CCSER1: variants seen among roughly 807,000 people sequenced by gnomAD.
CCSER1 encodes the protein coiled-coil serine rich protein 1, also known as serine-rich coiled-coil domain-containing protein 1.
Under a neutral mutation model 82.0 loss-of-function variants are expected in CCSER1, and 41 were observed. The ratio of observed to expected loss-of-function variants is 0.50; its 90% CI spans 0.39 to 0.65. The LOEUF (loss-of-function observed/expected upper bound fraction) is 0.65. Among genes scored for constraint, CCSER1 ranks in the 30% least tolerant of loss-of-function variants. CCSER1 has a pLI of 0.00. For synonymous variants in CCSER1, 414 were observed against 383.9 expected, an observed-to-expected ratio of 1.08 and a Z score of -0.92; for missense variants, 1,119 against 1,064.2, an observed-to-expected ratio of 1.05 and a Z score of -0.72.
At chr4:90,692,910 C>T (rs1301942487) in intron 6 of CCSER1, among the ~76,000 whole-genome samples, 5 of 151,836 alleles carry the variant, frequency 3.3e-5, no homozygotes, top group African/African-American at 9.7e-5. Flanking sequence ...TTATCCTTCA[C>T]GTTTTTCTCA....
At chr4:91,368,771 C>A (rs1702380348) in intron 10 of CCSER1, among the ~76,000 whole-genome samples, 1 of 152,096 alleles carries the variant, frequency 6.6e-6, no homozygotes, top group Non-Finnish European at 1.5e-5. Flanking sequence ...CAAAATATTT[C>A]TCTGCATTAC....
chr4:90,794,316 A>C (rs1461959968), intron 7 of CCSER1, among the ~76,000 whole-genome samples: 1 of 152,164 alleles, frequency 6.6e-6, no homozygotes, highest in East Asian at 1.9e-4. Context: ...TAAGTCTTTA[A>C]TCCATCTTGA....
chr4:90,822,079 T>C (rs1759799869), intron 8 of CCSER1, among the ~76,000 whole-genome samples: 1 of 152,160 alleles, frequency 6.6e-6, no homozygotes, highest in South Asian at 2.1e-4. Flanking sequence ...ATTAATAAAT[T>C]AATTCAAAAT....
chr4:90,458,500 G>A (rs141394000), intron 4 of CCSER1, among the ~76,000 whole-genome samples: 2,475 of 152,132 alleles, frequency 0.016, 63 homozygotes, highest in African/African-American at 0.057. Context: ...CTACAGACAT[G>A]TGCCACCATG....
chr4:90,478,032 G>T (rs1765345846), intron 5 of CCSER1, among the ~76,000 whole-genome samples: 1 of 152,108 alleles, frequency 6.6e-6, no homozygotes, highest in Non-Finnish European at 1.5e-5. Flanking sequence ...CTGGAAAAGT[G>T]CTATGTTTTG....
At chr4:90,281,754 A>T (rs923120455) in intron 1 of CCSER1, among the ~76,000 whole-genome samples, 12 of 152,076 alleles carry the variant, frequency 7.9e-5, no homozygotes, top group African/African-American at 2.9e-4. Context: ...CCAGTACTTT[A>T]AAAAGATATC....
intron 1 of CCSER1, among the ~76,000 whole-genome samples, chr4:90,225,833 A>G (rs539008818): frequency 6.6e-6 from 1 of 152,208 alleles, no homozygotes; most frequent in African/African-American, 2.4e-5. Flanking sequence ...GTGGATTAAA[A>G]TTGGCCACAG....
At position 90,898,205 on chromosome 4, in the gene CCSER1, T is replaced by G. The variant is rs1463603913; in HGVS notation, c.2095-25165T>G. 3.3e-5 allele frequency among the ~76,000 whole-genome samples: 5 copies of G among 151,266 alleles called. No homozygotes were observed. The East Asian group carries it at 9.7e-4, about 29-fold the overall frequency. ...TACTTAGGTGAATACACAGAAGAGT[T>G]TTTCCTAGATTTTCTTCTAGGATTC... On this transcript the variant is annotated intron_variant, in intron 8 of 10. Coordinates refer to ENST00000509176, the MANE Select transcript of CCSER1 (RefSeq NM_001145065.2).
rs995303974 is a variant in CCSER1 at position 91,007,689 on chromosome 4, A to C, written c.2173-78261A>C. Among the ~76,000 whole-genome samples the C allele has an allele frequency of 2.9e-4, 44 of 151,784 alleles. 1 individual carries two copies. The highest frequency in any genetic ancestry group is 1.8e-3 in the Admixed American group (28 of 15,250). On this transcript the variant is annotated intron_variant, in intron 9 of 10. Coordinates refer to ENST00000509176, the MANE Select transcript of CCSER1 (RefSeq NM_001145065.2). ...TTTTATCTTCTCAAAAAAAAAAAAA[A>C]AACTCTTTTGTTGATCTTTTGTATT...
chr4:90,870,138 A>G (rs1029411524), intron 8 of CCSER1, among the ~76,000 whole-genome samples: 1 of 151,946 alleles, frequency 6.6e-6, no homozygotes, highest in Non-Finnish European at 1.5e-5. Context: ...TTATCTGCAA[A>G]CAAGGATAAT....
intron 10 of CCSER1, among the ~76,000 whole-genome samples, chr4:91,496,761 AT>A (rs2110083506): frequency 1.3e-5 from 1 of 79,720 alleles, no homozygotes; most frequent in South Asian, 3.7e-4. Context: ...GAATATATAT[AT>A]ATTCAATATA....
At chr4:90,400,351 T>C (rs954269563) in intron 4 of CCSER1, among the ~76,000 whole-genome samples, 3 of 152,130 alleles carry the variant, frequency 2.0e-5, no homozygotes, top group Non-Finnish European at 4.4e-5. Flanking sequence ...AAGATAATTA[T>C]AAATAAGAAA....
intron 7 of CCSER1, among the ~76,000 whole-genome samples, chr4:90,769,354 C>T (rs1184792001): frequency 1.3e-5 from 2 of 152,100 alleles, no homozygotes; most frequent in Non-Finnish European, 2.9e-5. Flanking sequence ...TTAGAAGAAA[C>T]CGTTTGGGCT....
intron 1 of CCSER1, among the ~76,000 whole-genome samples, chr4:90,266,548 T>C (rs1725263765): frequency 6.6e-6 from 1 of 152,070 alleles, no homozygotes; most frequent in East Asian, 1.9e-4. Context: ...AACTTTATAT[T>C]GCTAAAAGAG....
At chr4:90,932,989 A>AG (rs1730259665) in intron 9 of CCSER1, among the ~76,000 whole-genome samples, 12 of 46,850 alleles carry the variant, frequency 2.6e-4, no homozygotes, top group South Asian at 9.5e-4. Flanking sequence ...AAAGAGAAAG[A>AG]AAGAAAGAAA....
chr4:91,402,754 C>T (rs1047679897), intron 10 of CCSER1, among the ~76,000 whole-genome samples: 1 of 151,914 alleles, frequency 6.6e-6, no homozygotes, highest in Non-Finnish European at 1.5e-5. Context: ...ATTGGTCTAT[C>T]TCTCTGTTTT....
In CCSER1 at chr4:90,594,154, A is replaced by G. The variant is rs537980288; in HGVS notation, c.1725-33871A>G. On this transcript the variant is annotated intron_variant, in intron 5 of 10. Coordinates refer to ENST00000509176, the MANE Select transcript of CCSER1 (RefSeq NM_001145065.2). ...TTTTTTCCCCAGAAAAGGAAAAAAA[A>G]AACAAGCTCAAACCAACTTAAGAAA... Among the ~76,000 whole-genome samples the G allele has an allele frequency of 3.4e-4, 52 of 152,158 alleles. 1 individual carries two copies. The South Asian group carries it at 1.0e-2, about 29-fold the overall frequency.
intron 4 of CCSER1, among the ~76,000 whole-genome samples, chr4:90,445,312 G>T (rs184282872): frequency 6.6e-6 from 1 of 151,910 alleles, no homozygotes; most frequent in African/African-American, 2.4e-5. Context: ...ATTAAATATC[G>T]CTTCAAAGAG....
intron 10 of CCSER1, among the ~76,000 whole-genome samples, chr4:91,278,903 T>C (rs958248749): frequency 6.6e-6 from 1 of 152,150 alleles, no homozygotes; most frequent in Non-Finnish European, 1.5e-5. Flanking sequence ...ATATTATATT[T>C]TCATTCCCAC....
Sources: allele counts gnomAD v4.1 joint callset (sites outside exome capture counted in the v4.1 genomes callset), GRCh38; gene constraint gnomAD v4.1.1; transcripts MANE v1.5; gene names NCBI Gene and HGNC (gene_info 2026-07-23, HGNC 2026-07-21).